The following SYT16 variants were observed in gnomAD, a reference collection of about 807,000 sequenced individuals.
SYT16 encodes the protein synaptotagmin-16.
A neutral mutation model predicts 61.4 loss-of-function variants in SYT16; 42 were observed. That is an observed-to-expected ratio of 0.68 (90% confidence interval 0.53 to 0.89). SYT16 has a LOEUF of 0.89. Among genes scored for constraint, SYT16 ranks in the 40% least tolerant of loss-of-function variants. The pLI is 0.00. For synonymous variants in SYT16, 314 were observed against 302.3 expected (o/e 1.04, Z -0.40); for missense variants, 804 against 807.3 (o/e 1.00, Z 0.05).
chr14:62,050,069 T>C (rs1430528479), intron 3 of SYT16, among the ~76,000 whole-genome samples: 1 of 152,254 alleles, frequency 6.6e-6, no homozygotes, highest in Non-Finnish European at 1.5e-5. Flanking sequence ...CAGAGTGTTT[T>C]CCAACTTGCC....
chr14:61,853,204 C>T (rs1052488745), intron 1 of SYT16, among the ~76,000 whole-genome samples: 3 of 152,228 alleles, frequency 2.0e-5, no homozygotes, highest in Non-Finnish European at 4.4e-5. Flanking sequence ...CAGGCATAAG[C>T]CACTGCACCT....
intron 3 of SYT16, among the ~76,000 whole-genome samples, chr14:62,000,654 A>G (rs1170208499): frequency 6.6e-6 from 1 of 151,876 alleles, no homozygotes; most frequent in African/African-American, 2.4e-5. Flanking sequence ...CTTTGTACTG[A>G]GTATTTTTAT....
At chr14:61,931,409 A>G (rs1005993536) in intron 1 of SYT16, among the ~76,000 whole-genome samples, 1 of 152,098 alleles carries the variant, frequency 6.6e-6, no homozygotes, top group African/African-American at 2.4e-5. Context: ...ATGTGATAGC[A>G]TTTTATTGTA....
At chr14:61,818,466 T>G (rs1429481281) in intron 1 of SYT16, among the ~76,000 whole-genome samples, 1 of 151,968 alleles carries the variant, frequency 6.6e-6, no homozygotes, top group Non-Finnish European at 1.5e-5. Context: ...GATCATGAGG[T>G]CAGGAGTTTG....
chr14:61,882,154 C>T (rs1418574680), intron 1 of SYT16, among the ~76,000 whole-genome samples: 4 of 152,078 alleles, frequency 2.6e-5, no homozygotes, highest in Non-Finnish European at 4.4e-5. Context: ...AATTAAATCA[C>T]CCTCATATGG....
chr14:61,848,363 A>C (rs1008084260), intron 1 of SYT16, among the ~76,000 whole-genome samples: 17 of 152,176 alleles, frequency 1.1e-4, no homozygotes, highest in African/African-American at 4.1e-4. Flanking sequence ...CTGGAAGAAT[A>C]ATCTGGATTA....
intron 3 of SYT16, among the ~76,000 whole-genome samples, chr14:62,065,675 C>A (rs953123660): frequency 1.3e-5 from 2 of 152,130 alleles, no homozygotes; most frequent in African/African-American, 4.8e-5. Context: ...AGTTGGAAAG[C>A]ACTCCAATTG....
At chr14:61,962,323 A>C (rs563974712) in intron 1 of SYT16, among the ~76,000 whole-genome samples, 3 of 152,118 alleles carry the variant, frequency 2.0e-5, no homozygotes, top group East Asian at 1.9e-4. Context: ...TTTTTCTCCC[A>C]GTACTTATAT....
chr14:61,946,662 T>C (rs893818915), intron 1 of SYT16, among the ~76,000 whole-genome samples: 1 of 152,190 alleles, frequency 6.6e-6, no homozygotes, highest in African/African-American at 2.4e-5. Flanking sequence ...ATTGGAAAGT[T>C]AGAGAAATGG....
intron 3 of SYT16, among the ~76,000 whole-genome samples, chr14:62,050,535 G>T (rs912507089): frequency 6.6e-6 from 1 of 152,196 alleles, no homozygotes; most frequent in Non-Finnish European, 1.5e-5. Context: ...TCCTTTGGAG[G>T]AGGAGAGGCG....
intron 1 of SYT16, among the ~76,000 whole-genome samples, chr14:61,839,510 G>A (rs1057165438): frequency 3.3e-5 from 5 of 152,202 alleles, no homozygotes; most frequent in Admixed American, 1.3e-4. Flanking sequence ...TAACCTATAT[G>A]AGATGATATT....
At chr14:61,981,139 A>G (rs2052056763) in intron 2 of SYT16, among the ~76,000 whole-genome samples, 1 of 152,168 alleles carries the variant, frequency 6.6e-6, no homozygotes, top group Non-Finnish European at 1.5e-5. Context: ...TGTTTGTGGG[A>G]GGTCAGTTTT....
intron 1 of SYT16, among the ~76,000 whole-genome samples, chr14:61,903,689 A>T (rs537417024): frequency 6.6e-6 from 1 of 152,218 alleles, no homozygotes; most frequent in Non-Finnish European, 1.5e-5. Context: ...GGAAACTGGA[A>T]TGAGTGGATT....
chr14:61,826,706 T>C (rs1002750073), intron 1 of SYT16, among the ~76,000 whole-genome samples: 1 of 151,970 alleles, frequency 6.6e-6, no homozygotes, highest in African/African-American at 2.4e-5. Context: ...GAGATCCCTG[T>C]AGACTTGCTG....
chr14:61,931,158 C>G (rs1412851017), intron 1 of SYT16, among the ~76,000 whole-genome samples: 1 of 152,074 alleles, frequency 6.6e-6, no homozygotes, highest in Non-Finnish European at 1.5e-5. Context: ...GCTCCCCTAC[C>G]TCCACACTGT....
intron 1 of SYT16, among the ~76,000 whole-genome samples, chr14:61,929,003 C>T (rs574502295): frequency 6.6e-6 from 1 of 152,300 alleles, no homozygotes; most frequent in Non-Finnish European, 1.5e-5. Context: ...AAGAACATTG[C>T]TAAATATCTA....
chr14:61,924,408 A>G (rs1002850620), intron 1 of SYT16, among the ~76,000 whole-genome samples: 1 of 152,238 alleles, frequency 6.6e-6, no homozygotes, highest in African/African-American at 2.4e-5. Context: ...ACTTCATTGC[A>G]GTTTAACCAG....
At chr14:62,069,071 C>G (rs1261565836) in intron 3 of SYT16, among the ~76,000 whole-genome samples, 3 of 152,224 alleles carry the variant, frequency 2.0e-5, no homozygotes, top group Middle Eastern at 3.2e-3. Context: ...GCTGGGATTA[C>G]AGGCGTGAGC....
intron 3 of SYT16, among the ~76,000 whole-genome samples, chr14:62,045,794 A>C (rs1021583055): frequency 3.3e-5 from 5 of 151,902 alleles, no homozygotes; most frequent in African/African-American, 1.2e-4. Flanking sequence ...ATCATTTTTT[A>C]TGGCTGCATA....
Sources: gnomAD v4.1 joint callset for allele counts (sites outside exome capture counted in the v4.1 genomes callset) on GRCh38, gnomAD v4.1.1 for gene constraint, MANE v1.5 for transcripts, NCBI Gene and HGNC (gene_info 2026-07-23, HGNC 2026-07-21) for gene names.